DNAH9: variants seen among roughly 807,000 people sequenced by gnomAD.
DNAH9 encodes the protein DNAH9 variant protein.
Under a neutral mutation model 471.6 loss-of-function variants are expected in DNAH9, and 345 were observed. The ratio of observed to expected loss-of-function variants is 0.73; its 90% CI spans 0.67 to 0.80. DNAH9 has a LOEUF of 0.80. Ranked by LOEUF, DNAH9 falls within the 30% of genes least tolerant of loss-of-function variation. The pLI is 0.00. For synonymous variants in DNAH9, 2,093 were observed against 2,123.6 expected (o/e 0.99, Z 0.40); for missense variants, 5,407 against 5,609.2 (o/e 0.96, Z 1.15).
intron 62 of DNAH9, among the ~76,000 whole-genome samples, chr17:11,927,506 A>G (rs964546841): frequency 4.6e-5 from 7 of 152,238 alleles, no homozygotes; most frequent in Non-Finnish European, 8.8e-5. Flanking sequence ...CATTTATTAA[A>G]TAGGGAATCC....
intron 52 of DNAH9, among the ~76,000 whole-genome samples, chr17:11,872,844 C>T (rs1036011386): frequency 2.6e-5 from 4 of 152,130 alleles, no homozygotes; most frequent in Non-Finnish European, 5.9e-5. Context: ...GGCGTGAACC[C>T]GGGAGGCGAA....
intron 59 of DNAH9, among the ~76,000 whole-genome samples, chr17:11,897,729 T>A (rs1973264120): frequency 1.3e-5 from 2 of 152,224 alleles, no homozygotes; most frequent in Admixed American, 1.3e-4. Context: ...TTTCCTCATC[T>A]GCAAAATGGT....
rs539970829 is a variant in DNAH9 at position 11,903,989 on chromosome 17, A to G, written c.11600+1077A>G. ...TTCCTCCATTCGTAGTGGCCCCAGTACAGGCAAAGAATAGGTGAAGTCAGG... is the reference window on the plus strand; with the variant it reads ...TTCCTCCATTCGTAGTGGCCCCAGTGCAGGCAAAGAATAGGTGAAGTCAGG... On this transcript the variant is annotated intron_variant, in intron 60 of 68. Transcript: ENST00000262442. 2.0e-5 allele frequency among the ~76,000 whole-genome samples: 3 copies of G among 152,372 alleles called. No homozygotes were observed. In the East Asian group the frequency reaches 5.8e-4, roughly 29 times the overall value.
intron 57 of DNAH9, among the ~76,000 whole-genome samples, chr17:11,889,732 C>T (rs1268767654): frequency 6.6e-6 from 1 of 152,172 alleles, no homozygotes. Context: ...GTGAGTAAGG[C>T]CTGGGCCCCA....
At chr17:11,680,047 A>C (rs2074108460) in intron 18 of DNAH9, 68 bp downstream of exon 18, 2 of 1,273,472 alleles carry the variant, frequency 1.6e-6, no homozygotes, top group Non-Finnish European at 1.1e-6. Context: ...GAATGGGGTA[A>C]AGTGGGGTAC....
At chr17:11,696,659 T>C (rs2150765214) in intron 22 of DNAH9, among the ~76,000 whole-genome samples, 1 of 152,290 alleles carries the variant, frequency 6.6e-6, no homozygotes, top group East Asian at 1.9e-4. Flanking sequence ...TTTGATTTGT[T>C]GATAAGAAGC....
At position 11,804,409 on chromosome 17, in the gene DNAH9, T is replaced by C. The variant is rs368854427; in HGVS notation, c.8421-3323T>C. On this transcript the variant is annotated intron_variant, in intron 43 of 68. Coordinates refer to ENST00000262442, the MANE Select transcript of DNAH9 (RefSeq NM_001372.4). ...AGAAATTGGAGGATAATTGAAAACA[T>C]ACATAAAAGGGTTTCACAAATTGAG... Among the ~76,000 whole-genome samples, 16 of 152,246 alleles carry C rather than the reference T, an allele frequency of 1.1e-4. No homozygotes were observed. In the South Asian group the frequency reaches 3.1e-3, roughly 30 times the overall value.
intron 14 of DNAH9, among the ~76,000 whole-genome samples, chr17:11,657,037 A>ATG (rs1225398936): frequency 5.3e-5 from 8 of 152,278 alleles, no homozygotes; most frequent in Middle Eastern, 6.8e-3. Context: ...TAAAGCTTGT[A>ATG]TGTACAGTCT....
chr17:11,764,940 A>G (rs1358916543), intron 36 of DNAH9, among the ~76,000 whole-genome samples: 11 of 152,220 alleles, frequency 7.2e-5, no homozygotes, highest in Non-Finnish European at 5.9e-5. Flanking sequence ...TCATACCACA[A>G]TAAAGTGATT....
At chr17:11,823,238 T>A (rs561470758) in intron 48 of DNAH9, among the ~76,000 whole-genome samples, 1 of 152,316 alleles carries the variant, frequency 6.6e-6, no homozygotes, top group Non-Finnish European at 1.5e-5. Context: ...GGAGAGCTTT[T>A]CAAGTTTATC....
In DNAH9 at chr17:11,689,619, A is replaced by T; in HGVS notation, c.3797A>T (p.Gln1266Leu). Residue 1266 changes from glutamine to leucine, a missense_variant, in exon 20 of 69, where the codon CAG becomes CTG. Gln to Leu is a moderately radical substitution (Grantham distance 113). Coordinates refer to ENST00000262442, the MANE Select transcript of DNAH9 (RefSeq NM_001372.4). ...CTGGATGCCAGGCACATCGAGATCC[A>T]GCAGATGGAATCCACTATGGCCTCC... ...QMLDARHIEI[Q>L]QMESTMASIS... The T allele has an allele frequency of 1.2e-6, 2 of 1,614,104 alleles. No individual in the cohort carries two copies. Among genetic ancestry groups the T allele is most frequent in the South Asian group, 2.2e-5 (2 of 91,076 alleles).
intron 45 of DNAH9, among the ~76,000 whole-genome samples, chr17:11,817,473 A>T (rs909896811): frequency 6.6e-6 from 1 of 152,176 alleles, no homozygotes; most frequent in African/African-American, 2.4e-5. Context: ...AAGTGTCAGG[A>T]AGTAAACATT....
chr17:11,798,754 G>C (rs1470670502), intron 43 of DNAH9, among the ~76,000 whole-genome samples: 1 of 151,970 alleles, frequency 6.6e-6, no homozygotes, highest in African/African-American at 2.4e-5. Flanking sequence ...TCCCTTTACT[G>C]CCAAATTCTA....
intron 27 of DNAH9, among the ~76,000 whole-genome samples, chr17:11,724,554 T>C (rs1312075878): frequency 6.6e-6 from 1 of 152,246 alleles, no homozygotes; most frequent in East Asian, 1.9e-4. Context: ...GTGTATATAC[T>C]ACATTTTCTT....
chr17:11,939,776 GGAGT>G (rs1172469865), intron 66 of DNAH9, among the ~76,000 whole-genome samples: 1 of 151,910 alleles, frequency 6.6e-6, no homozygotes, highest in African/African-American at 2.4e-5. Flanking sequence ...CTAAAGAGAA[GGAGT>G]GAGAAGGGAG....
At chr17:11,830,565 G>GA (rs897250176) in intron 48 of DNAH9, among the ~76,000 whole-genome samples, 1 of 151,940 alleles carries the variant, frequency 6.6e-6, no homozygotes, top group African/African-American at 2.4e-5. Context: ...CATTTAGTGA[G>GA]AAAAAACGAA....
chr17:11,611,519 G>T, intron 3 of DNAH9, 131 bp from the exon 4 acceptor site: 1 of 913,918 alleles, frequency 1.1e-6, no homozygotes, highest in Non-Finnish European at 1.7e-6. Context: ...AGGCTCTTTG[G>T]GCTGGAGCAC....
intron 10 of DNAH9, among the ~76,000 whole-genome samples, chr17:11,644,148 A>G (rs1314183780): frequency 6.6e-6 from 1 of 152,228 alleles, no homozygotes; most frequent in Non-Finnish European, 1.5e-5. Flanking sequence ...CCATGTCAAC[A>G]GGCAATAGGA....
At chr17:11,777,440 A>G (rs1968481208) in intron 38 of DNAH9, among the ~76,000 whole-genome samples, 1 of 152,240 alleles carries the variant, frequency 6.6e-6, no homozygotes, top group Non-Finnish European at 1.5e-5. Flanking sequence ...TTTTAAAACA[A>G]AAGAATTCAT....
Sources: allele counts gnomAD v4.1 joint callset (sites outside exome capture counted in the v4.1 genomes callset), GRCh38; gene constraint gnomAD v4.1.1; transcripts MANE v1.5; gene names NCBI Gene and HGNC (gene_info 2026-07-23, HGNC 2026-07-21).